ZNF804B: variants seen among roughly 807,000 people sequenced by gnomAD.
ZNF804B encodes the protein zinc finger 804B.
ZNF804B carries 80 observed loss-of-function variants against 101.4 expected under a neutral mutation model. The observed-to-expected ratio is 0.79, with a 90% CI of 0.66 to 0.95. The LOEUF (loss-of-function observed/expected upper bound fraction) is 0.95, where lower values mean the gene tolerates loss of function less well. Among genes scored for constraint, ZNF804B ranks in the 40% least tolerant of loss-of-function variants. The pLI, the probability that ZNF804B is intolerant of heterozygous loss-of-function variation, is 0.00. For synonymous variants in ZNF804B, 622 were observed against 558.8 expected (o/e 1.11, Z -1.59); for missense variants, 1,673 against 1,561.9 (o/e 1.07, Z -1.20).
At chr7:88,847,575 C>G (rs1231210241) in intron 1 of ZNF804B, among the ~76,000 whole-genome samples, 1 of 151,988 alleles carries the variant, frequency 6.6e-6, no homozygotes, top group Non-Finnish European at 1.5e-5. Flanking sequence ...ATATTTTCTT[C>G]AATTAAAGTT....
intron 1 of ZNF804B, among the ~76,000 whole-genome samples, chr7:89,120,810 G>A (rs1374962832): frequency 6.6e-6 from 1 of 152,052 alleles, no homozygotes; most frequent in Admixed American, 6.5e-5. Context: ...CAAATAGTTT[G>A]CAAAAGAAAA....
At chr7:89,221,570 C>A (rs148967815) in intron 2 of ZNF804B, among the ~76,000 whole-genome samples, 2 of 152,032 alleles carry the variant, frequency 1.3e-5, no homozygotes, top group East Asian at 3.9e-4. Context: ...CATATCAGGT[C>A]TGCATGCCAC....
intron 1 of ZNF804B, among the ~76,000 whole-genome samples, chr7:89,147,291 C>A (rs1790806393): frequency 6.6e-6 from 1 of 151,880 alleles, no homozygotes; most frequent in South Asian, 2.1e-4. Context: ...ATCTTTAACC[C>A]AGGTATTGGA....
At chr7:89,034,760 A>G (rs1183834612) in intron 1 of ZNF804B, among the ~76,000 whole-genome samples, 1 of 152,190 alleles carries the variant, frequency 6.6e-6, no homozygotes, top group African/African-American at 2.4e-5. Flanking sequence ...CTTTGGGTGT[A>G]TACCCAGTAA....
chr7:89,291,265 T>A (rs1028580313), intron 2 of ZNF804B, among the ~76,000 whole-genome samples: 1 of 149,156 alleles, frequency 6.7e-6, no homozygotes, highest in African/African-American at 2.5e-5. Flanking sequence ...CTAGAAAATA[T>A]CACCTCACCA....
intron 1 of ZNF804B, among the ~76,000 whole-genome samples, chr7:89,162,802 C>A (rs1248705415): frequency 5.7e-5 from 6 of 105,620 alleles, no homozygotes; most frequent in Admixed American, 1.1e-4. Flanking sequence ...CATCCCTCCC[C>A]CCTCCCCCCA....
chr7:89,093,024 T>C (rs1789919295), intron 1 of ZNF804B, among the ~76,000 whole-genome samples: 1 of 152,234 alleles, frequency 6.6e-6, no homozygotes, highest in South Asian at 2.1e-4. Flanking sequence ...TGTATATATG[T>C]AACCATTTGT....
At chr7:89,260,061 CAAGA>C (rs1437226646) in intron 2 of ZNF804B, among the ~76,000 whole-genome samples, 1 of 152,026 alleles carries the variant, frequency 6.6e-6, no homozygotes. Flanking sequence ...GGAAGAAAAG[CAAGA>C]AAGGCAGCCC....
In ZNF804B at chr7:89,327,368, G is replaced by A. The variant is rs2115982751; in HGVS notation, c.274G>A (p.Glu92Lys). 6.2e-7 allele frequency: 1 copy of A among 1,606,524 alleles called. No homozygotes were observed. The highest frequency in any genetic ancestry group is 8.5e-7 in the Non-Finnish European group (1 of 1,176,966). ...KQRLKELKQR[E>K]FARNVASKSW... Reference sequence around the variant, plus strand: ...GAGACTGAAAGAATTAAAGCAACGGGAATTTGCTCGAAATGTAGCTTCTAA... The same window carrying A: ...GAGACTGAAAGAATTAAAGCAACGGAAATTTGCTCGAAATGTAGCTTCTAA... The change falls in exon 3 of 4, where the codon GAA (glutamate) becomes AAA (lysine). Residue 92 changes from glutamate to lysine, a missense_variant. Coordinates refer to ENST00000333190, the MANE Select transcript of ZNF804B (RefSeq NM_181646.5).
intron 1 of ZNF804B, among the ~76,000 whole-genome samples, chr7:88,870,467 A>C (rs1027078417): frequency 6.6e-6 from 1 of 151,850 alleles, no homozygotes; most frequent in African/African-American, 2.4e-5. Context: ...CAAGATCAGG[A>C]AACTGCTGCA....
At chr7:89,069,465 A>G (rs1481311621) in intron 1 of ZNF804B, among the ~76,000 whole-genome samples, 1 of 152,210 alleles carries the variant, frequency 6.6e-6, no homozygotes, top group Non-Finnish European at 1.5e-5. Flanking sequence ...TACTTCAGTC[A>G]TTCAAATACA....
rs1435349743 is a variant in ZNF804B, at chr7:89,333,407, T to A, written c.425T>A (p.Ile142Lys). ...GCATACAAAGCCCCCAGGGTAGCCA[T>A]AGAAAAGCAACTCCAGCAAGGAATT... Reference protein sequence around the residue: ...GPAYKAPRVAIEKQLQQGIFP... With the variant: ...GPAYKAPRVAKEKQLQQGIFP... The change falls in exon 4 of 4, where the codon ATA becomes AAA. Residue 142 changes from isoleucine to lysine, a missense_variant. Transcript: ENST00000333190. The A allele has an allele frequency of 1.2e-6, 2 of 1,612,196 alleles. No individual in the cohort carries two copies. Among genetic ancestry groups the A allele is most frequent in the Non-Finnish European group, 1.7e-6 (2 of 1,179,164 alleles).
rs542724822 is a variant in ZNF804B, at chr7:89,192,434, A to G, written c.109-25721A>G. On this transcript the variant is annotated intron_variant, in intron 1 of 3. Transcript: ENST00000333190. ...ATTCAACAATGGAAATGAAGAACTGATATGCACAAAATGGATTAAACTAAA... is the reference window on the plus strand; with the variant it reads ...ATTCAACAATGGAAATGAAGAACTGGTATGCACAAAATGGATTAAACTAAA... Among the ~76,000 whole-genome samples the G allele has an allele frequency of 3.3e-5, 5 of 152,162 alleles. No individual in the cohort carries two copies. In the East Asian group the frequency reaches 9.7e-4, roughly 29 times the overall value.
At chr7:89,030,323 G>A (rs1788810476) in intron 1 of ZNF804B, among the ~76,000 whole-genome samples, 1 of 152,258 alleles carries the variant, frequency 6.6e-6, no homozygotes, top group African/African-American at 2.4e-5. Flanking sequence ...AGGACCATAG[G>A]AGAATAAACG....
At chr7:89,191,307 C>A (rs1273861003) in intron 1 of ZNF804B, among the ~76,000 whole-genome samples, 2 of 151,800 alleles carry the variant, frequency 1.3e-5, no homozygotes, top group African/African-American at 4.8e-5. Context: ...ATTTAATTTC[C>A]AGCATTCATT....
chr7:89,315,446 AT>A (rs1790709986), intron 2 of ZNF804B, among the ~76,000 whole-genome samples: 1 of 152,212 alleles, frequency 6.6e-6, no homozygotes, highest in Non-Finnish European at 1.5e-5. Flanking sequence ...TCTGCATTTG[AT>A]TACAGATGCT....
At chr7:89,057,467 C>T (rs1328207128) in intron 1 of ZNF804B, among the ~76,000 whole-genome samples, 1 of 151,450 alleles carries the variant, frequency 6.6e-6, no homozygotes, top group Admixed American at 6.6e-5. Flanking sequence ...GCTACAGTTC[C>T]TTGAAGGACT....
At chr7:88,889,612 GC>G in intron 1 of ZNF804B, among the ~76,000 whole-genome samples, 1 of 152,192 alleles carries the variant, frequency 6.6e-6, no homozygotes, top group Admixed American at 6.5e-5. Context: ...GTCTTTTCAT[GC>G]CCTTTGCCCA....
chr7:89,187,614 G>A (rs575186378), intron 1 of ZNF804B, among the ~76,000 whole-genome samples: 82 of 152,118 alleles, frequency 5.4e-4, no homozygotes, highest in Admixed American at 8.5e-4. Flanking sequence ...TGTCTGCAGT[G>A]GCAAAGTTTG....
Sources: gnomAD v4.1 joint callset for allele counts (sites outside exome capture counted in the v4.1 genomes callset) on GRCh38, gnomAD v4.1.1 for gene constraint, MANE v1.5 for transcripts, NCBI Gene and HGNC (gene_info 2026-07-23, HGNC 2026-07-21) for gene names.